Variants in ADAM23 observed in about 807,000 individuals in gnomAD.
ADAM23 encodes the protein disintegrin and metalloproteinase domain-containing protein 23.
Under a neutral mutation model 120.1 loss-of-function variants are expected in ADAM23, and 33 were observed. That is an observed-to-expected ratio of 0.27 (90% CI 0.21 to 0.37). The LOEUF is 0.37. Among genes scored for constraint, ADAM23 ranks in the 10% least tolerant of loss-of-function variants. The probability of loss-of-function intolerance (pLI) is 1.00; values close to 1 mark genes in which losing one functional copy is unlikely to be tolerated. For synonymous variants in ADAM23, 367 were observed against 375.2 expected, an observed-to-expected ratio of 0.98 and a Z score of 0.25; for missense variants, 862 against 1,058.2, an observed-to-expected ratio of 0.81 and a Z score of 2.57.
At chr2:206,505,019 T>A (rs1696467978) in intron 3 of ADAM23, among the ~76,000 whole-genome samples, 1 of 152,234 alleles carries the variant, frequency 6.6e-6, no homozygotes, top group South Asian at 2.1e-4. Context: ...AGGTCTTCAG[T>A]ACCAGATTTG....
intron 2 of ADAM23, among the ~76,000 whole-genome samples, chr2:206,477,153 T>C (rs1695791237): frequency 6.6e-6 from 1 of 152,166 alleles, no homozygotes; most frequent in South Asian, 2.1e-4. Context: ...TGTCATAACA[T>C]TGCTTGATGA....
chr2:206,614,437 C>T (rs1685025365), intron 25 of ADAM23, among the ~76,000 whole-genome samples: 1 of 142,232 alleles, frequency 7.0e-6, no homozygotes, highest in South Asian at 2.3e-4. Flanking sequence ...GACAGATCGC[C>T]TGAGGACAGG....
At chr2:206,486,340 C>CT (rs757421451) in intron 3 of ADAM23, among the ~76,000 whole-genome samples, 2,391 of 141,120 alleles carry the variant, frequency 0.017, 49 homozygotes, top group African/African-American at 0.056. Flanking sequence ...CTTGTCTTTC[C>CT]TTTTTTTTTT....
intron 3 of ADAM23, among the ~76,000 whole-genome samples, chr2:206,500,604 C>T (rs1000006541): frequency 3.9e-5 from 6 of 152,152 alleles, no homozygotes; most frequent in Non-Finnish European, 8.8e-5. Flanking sequence ...TGCCCATCTC[C>T]TCTCCTTTGT....
At chr2:206,476,031 A>G (rs371314058) in intron 2 of ADAM23, among the ~76,000 whole-genome samples, 2 of 152,130 alleles carry the variant, frequency 1.3e-5, no homozygotes, top group South Asian at 2.1e-4. Flanking sequence ...TGTTTTTTCT[A>G]TGTTAGAATA....
intron 18 of ADAM23, among the ~76,000 whole-genome samples, chr2:206,573,881 G>T (rs1420083840): frequency 6.6e-6 from 1 of 151,922 alleles, no homozygotes; most frequent in African/African-American, 2.4e-5. Context: ...CTACGGATAA[G>T]GGGGCATTCT....
intron 6 of ADAM23, among the ~76,000 whole-genome samples, chr2:206,545,464 C>T (rs540898101): frequency 6.6e-5 from 10 of 151,920 alleles, no homozygotes; most frequent in South Asian, 2.1e-4. Flanking sequence ...CCAGCCTGGG[C>T]GACAGAGCGA....
rs1208480015 is a variant in ADAM23, at chr2:206,619,793, ATGT to A, written c.*2172_*2174del. ...ATAGACCATCACCAAACATCTTATC[ATGT>A]TGTTGCTTTCTGAGTAATAGGTGCT... is the stretch of plus-strand genomic sequence containing the variant. On this transcript the variant is annotated 3_prime_UTR_variant, in exon 26 of 26. Coordinates refer to ENST00000264377, the MANE Select transcript of ADAM23 (RefSeq NM_003812.4). The A allele has an allele frequency of 3.9e-5, 6 of 152,168 alleles. No individual in the cohort carries two copies. Among genetic ancestry groups the A allele is most frequent in the Non-Finnish European group, 8.8e-5 (6 of 68,026 alleles). 9.4% of individuals were successfully genotyped at this position (152,168 alleles called of 1,614,324 possible). A position where few individuals can be genotyped will look rare whatever the true frequency, so the allele number is the denominator to read the frequency against.
chr2:206,481,425 A>T (rs1315207911), intron 3 of ADAM23, 117 bp downstream of exon 3: 3 of 666,694 alleles, frequency 4.5e-6, no homozygotes, highest in South Asian at 3.2e-5. Flanking sequence ...GCAGATTATT[A>T]TAGAGCATGT....
chr2:206,448,804 C>T (rs1001108654), intron 2 of ADAM23, among the ~76,000 whole-genome samples: 14 of 152,174 alleles, frequency 9.2e-5, no homozygotes, highest in African/African-American at 2.9e-4. Context: ...GATCCTCGCC[C>T]TATGTGTCTC....
At chr2:206,589,709 G>A (rs1291002443) in intron 21 of ADAM23, among the ~76,000 whole-genome samples, 195 bp downstream of exon 21, 1 of 152,154 alleles carries the variant, frequency 6.6e-6, no homozygotes, top group Non-Finnish European at 1.5e-5. Flanking sequence ...CTATGCTACA[G>A]ATTCATGCCA....
intron 25 of ADAM23, among the ~76,000 whole-genome samples, chr2:206,616,588 G>C (rs761105635): frequency 1.3e-5 from 2 of 152,118 alleles, no homozygotes; most frequent in Non-Finnish European, 2.9e-5. Context: ...AATTACTTGT[G>C]GGGGAGGAGG....
intron 3 of ADAM23, among the ~76,000 whole-genome samples, chr2:206,509,480 G>A (rs922080665): frequency 4.6e-5 from 7 of 151,732 alleles, no homozygotes; most frequent in Admixed American, 1.3e-4. Context: ...ATGGAGTCTC[G>A]CTCTGTCACC....
At chr2:206,543,624 T>C (rs1354908121) in intron 6 of ADAM23, among the ~76,000 whole-genome samples, 1 of 152,156 alleles carries the variant, frequency 6.6e-6, no homozygotes, top group Non-Finnish European at 1.5e-5. Context: ...AAACTAGCTT[T>C]CATAGAAGTC....
chr2:206,480,346 A>C (rs537896763), intron 2 of ADAM23, among the ~76,000 whole-genome samples: 7 of 152,242 alleles, frequency 4.6e-5, no homozygotes, highest in African/African-American at 1.2e-4. Context: ...GTTACCATGC[A>C]TGAAGCACTT....
intron 24 of ADAM23, among the ~76,000 whole-genome samples, chr2:206,604,132 G>T (rs1034724237): frequency 6.6e-6 from 1 of 152,040 alleles, no homozygotes; most frequent in Non-Finnish European, 1.5e-5. Context: ...CGGGTGTGGT[G>T]GTGCGCACCT....
At chr2:206,527,486 T>C (rs982652546) in intron 3 of ADAM23, among the ~76,000 whole-genome samples, 1 of 152,230 alleles carries the variant, frequency 6.6e-6, no homozygotes, top group Non-Finnish European at 1.5e-5. Context: ...TTCAAGACTT[T>C]TATAATTAAT....
At chr2:206,456,643 A>G (rs1174648207) in intron 2 of ADAM23, among the ~76,000 whole-genome samples, 2 of 152,122 alleles carry the variant, frequency 1.3e-5, no homozygotes, top group African/African-American at 2.4e-5. Flanking sequence ...GGGCACACTC[A>G]CTTTTGCTTA....
At chr2:206,611,267 T>C (rs1487573487) in intron 25 of ADAM23, among the ~76,000 whole-genome samples, 3 of 152,204 alleles carry the variant, frequency 2.0e-5, no homozygotes, top group African/African-American at 7.2e-5. Context: ...TGTTTAGTAA[T>C]GTAGTCTTGG....
Sources: allele counts gnomAD v4.1 joint callset (sites outside exome capture counted in the v4.1 genomes callset), GRCh38; gene constraint gnomAD v4.1.1; transcripts MANE v1.5; gene names NCBI Gene and HGNC (gene_info 2026-07-23, HGNC 2026-07-21).